The following USH2A variants were observed in gnomAD, a reference collection of about 807,000 sequenced individuals.
USH2A encodes the protein usherin.
A neutral mutation model predicts 538.9 loss-of-function variants in USH2A; 443 were observed. The ratio of observed to expected loss-of-function variants is 0.82; its 90% CI spans 0.76 to 0.89. The LOEUF (loss-of-function observed/expected upper bound fraction) is 0.89, where lower values mean the gene tolerates loss of function less well. Among genes scored for constraint, USH2A ranks in the 40% least tolerant of loss-of-function variants. USH2A has a pLI of 0.00. For synonymous variants in USH2A, 2,413 were observed against 2,273.5 expected (o/e 1.06, Z -1.75); for missense variants, 6,633 against 6,324.8 (o/e 1.05, Z -1.65).
At chr1:216,319,668 A>T (rs1256126433) in intron 9 of USH2A, among the ~76,000 whole-genome samples, 2 of 152,180 alleles carry the variant, frequency 1.3e-5, no homozygotes, top group African/African-American at 4.8e-5. Context: ...GCCATAACTA[A>T]ATCAAAGACT....
At position 215,842,953 on chromosome 1, in the gene USH2A, G is replaced by T. The variant is rs548045358; in HGVS notation, c.9258+1341C>A. Among the ~76,000 whole-genome samples the T allele has an allele frequency of 7.2e-5, 11 of 151,854 alleles. No individual in the cohort carries two copies. The East Asian group carries it at 2.1e-3, about 29-fold the overall frequency. ...TAACAAACCTACATGTCCTGAACAC[G>T]TATACAGGAACTTAAAATAAAATAC... On this transcript the variant is annotated intron_variant, in intron 46 of 71. Coordinates refer to ENST00000307340, the MANE Select transcript of USH2A (RefSeq NM_206933.4).
At chr1:216,162,323 A>C (rs769385958) in intron 21 of USH2A, among the ~76,000 whole-genome samples, 1 of 152,008 alleles carries the variant, frequency 6.6e-6, no homozygotes, top group Non-Finnish European at 1.5e-5. Context: ...TTTACTTTAC[A>C]TACCATTTTT....
intron 56 of USH2A, among the ~76,000 whole-genome samples, chr1:215,766,031 T>G (rs1661118099): frequency 6.6e-6 from 1 of 152,222 alleles, no homozygotes; most frequent in Non-Finnish European, 1.5e-5. Context: ...ATTAACAATT[T>G]AAATGTGATA....
At chr1:216,293,764 CTGAA>C (rs1481989138) in intron 9 of USH2A, among the ~76,000 whole-genome samples, 1 of 152,102 alleles carries the variant, frequency 6.6e-6, no homozygotes, top group Non-Finnish European at 1.5e-5. Context: ...TATAAATAAA[CTGAA>C]TGATAAATGT....
chr1:216,308,874 T>G (rs529142932), intron 9 of USH2A, among the ~76,000 whole-genome samples: 1 of 152,324 alleles, frequency 6.6e-6, no homozygotes, highest in Non-Finnish European at 1.5e-5. Flanking sequence ...TTTTCAAACT[T>G]GAAGTGTGCT....
chr1:215,652,549 A>C (rs1307688123), intron 64 of USH2A, among the ~76,000 whole-genome samples: 1 of 152,090 alleles, frequency 6.6e-6, no homozygotes, highest in East Asian at 1.9e-4. Flanking sequence ...TCAGAATACA[A>C]CTGCAGCTGC....
At chr1:216,085,244 A>G (rs2032091954) in intron 24 of USH2A, 2 of 259,140 alleles carry the variant, frequency 7.7e-6, no homozygotes, top group Non-Finnish European at 1.5e-5. Flanking sequence ...TATTTAATAT[A>G]TAGTTTACAG....
intron 13 of USH2A, among the ~76,000 whole-genome samples, chr1:216,237,654 T>C (rs372627794): frequency 1.3e-5 from 2 of 152,114 alleles, no homozygotes; most frequent in South Asian, 2.1e-4. Flanking sequence ...AGCACCTCCA[T>C]CTTAGAAATA....
intron 4 of USH2A, among the ~76,000 whole-genome samples, chr1:216,334,592 A>G (rs1157270076): frequency 6.6e-6 from 1 of 152,056 alleles, no homozygotes; most frequent in East Asian, 1.9e-4. Context: ...GACAAACTCT[A>G]CATTCGAGGA....
At chr1:215,631,768 C>T (rs1252901216) in intron 70 of USH2A, among the ~76,000 whole-genome samples, 1 of 152,176 alleles carries the variant, frequency 6.6e-6, no homozygotes, top group African/African-American at 2.4e-5. Flanking sequence ...GTCTTGGCCA[C>T]TCAGTGAAAG....
chr1:216,382,734 A>G (rs1341092832), intron 3 of USH2A, among the ~76,000 whole-genome samples: 5 of 152,148 alleles, frequency 3.3e-5, no homozygotes, highest in Admixed American at 3.3e-4. Context: ...GAAAAGACCC[A>G]AATAAAGAGT....
chr1:215,917,679 C>T (rs189658432), intron 38 of USH2A, among the ~76,000 whole-genome samples: 79 of 149,328 alleles, frequency 5.3e-4, no homozygotes, highest in Non-Finnish European at 1.0e-3. Flanking sequence ...TACAGTGGCT[C>T]ACACCTATAA....
rs923370927 is a variant in USH2A, at chr1:216,289,296, C to A, written c.1955G>T (p.Ser652Ile). The change falls in exon 11 of 72, where the codon AGC (serine) becomes ATC (isoleucine). Residue 652 changes from serine to isoleucine, a missense_variant. Coordinates refer to ENST00000307340, the MANE Select transcript of USH2A (RefSeq NM_206933.4). ...AAAACTCACCTGATCACAAAGAATGCTACCATTTCTAGTGCCAACTGTATC... is the reference window on the plus strand; with the variant it reads ...AAAACTCACCTGATCACAAAGAATGATACCATTTCTAGTGCCAACTGTATC... ...DCDTVGTRNG[S>I]ILCDQIGGQC... 7.4e-6 allele frequency: 12 copies of A among 1,613,768 alleles called. No homozygotes were observed. The highest frequency in any genetic ancestry group is 1.0e-5 in the Non-Finnish European group (12 of 1,179,832).
At chr1:216,422,849 A>G (rs1179057850) in intron 1 of USH2A, among the ~76,000 whole-genome samples, 2 of 151,532 alleles carry the variant, frequency 1.3e-5, no homozygotes, top group Non-Finnish European at 2.9e-5. Context: ...TATTACACAT[A>G]CAATAATTTT....
At chr1:215,890,767 A>G (rs1157188006) in intron 40 of USH2A, among the ~76,000 whole-genome samples, 1 of 152,104 alleles carries the variant, frequency 6.6e-6, no homozygotes, top group Non-Finnish European at 1.5e-5. Context: ...AGATTTGGCT[A>G]TTTCCCAGAG....
intron 11 of USH2A, among the ~76,000 whole-genome samples, chr1:216,280,308 T>C (rs1035994331): frequency 3.3e-5 from 5 of 152,100 alleles, no homozygotes; most frequent in Admixed American, 3.3e-4. Context: ...TTCTTTTCCA[T>C]GGTGAAATAA....
At chr1:215,662,566 G>A (rs908513823) in intron 64 of USH2A, among the ~76,000 whole-genome samples, 1 of 152,196 alleles carries the variant, frequency 6.6e-6, no homozygotes, top group Non-Finnish European at 1.5e-5. Flanking sequence ...GATCTCCCGT[G>A]GGAACAAAAG....
At chr1:215,840,514 C>T (rs1187097496) in intron 46 of USH2A, among the ~76,000 whole-genome samples, 3 of 152,150 alleles carry the variant, frequency 2.0e-5, no homozygotes, top group African/African-American at 4.8e-5. Flanking sequence ...TTTGTATTTT[C>T]ATCTGTTTCC....
At chr1:215,952,111 G>A (rs188405877) in intron 37 of USH2A, among the ~76,000 whole-genome samples, 1,821 of 152,042 alleles carry the variant, frequency 0.012, 18 homozygotes, top group Middle Eastern at 0.041. Context: ...TGATCCACCC[G>A]CCTCGGCCTC....
Sources: gnomAD v4.1 joint callset for allele counts (sites outside exome capture counted in the v4.1 genomes callset) on GRCh38, gnomAD v4.1.1 for gene constraint, MANE v1.5 for transcripts, NCBI Gene and HGNC (gene_info 2026-07-23, HGNC 2026-07-21) for gene names.